Variants in AXDND1 observed in about 807,000 individuals in gnomAD.
The protein encoded by AXDND1 is axonemal dynein light chain domain-containing protein 1.
A neutral mutation model predicts 137.5 loss-of-function variants in AXDND1; 110 were observed. The ratio of observed to expected loss-of-function variants is 0.80; its 90% confidence interval spans 0.69 to 0.94. AXDND1 has a LOEUF of 0.94. Ranked by LOEUF, AXDND1 falls within the 40% of genes least tolerant of loss-of-function variation. The pLI, the probability that AXDND1 is intolerant of heterozygous loss-of-function variation, is 0.00. For synonymous variants in AXDND1, 414 were observed against 399.7 expected (o/e 1.04, Z -0.43); for missense variants, 1,191 against 1,169.8 (o/e 1.02, Z -0.26).
chr1:179,502,561 C>CAAA (rs1269918038), intron 20 of AXDND1, among the ~76,000 whole-genome samples: 12 of 47,006 alleles, frequency 2.6e-4, no homozygotes, highest in African/African-American at 7.5e-4. Flanking sequence ...AAAACTCTGT[C>CAAA]TAAAAAAAAA....
intron 12 of AXDND1, among the ~76,000 whole-genome samples, chr1:179,411,612 G>T (rs1653890773): frequency 1.3e-5 from 2 of 151,518 alleles, no homozygotes; most frequent in Non-Finnish European, 2.9e-5. Context: ...AGGAAAAGTT[G>T]AATTTCTTCT....
At chr1:179,370,241 T>A (rs1302449063) in intron 4 of AXDND1, among the ~76,000 whole-genome samples, 163 bp downstream of exon 4, 1 of 152,212 alleles carries the variant, frequency 6.6e-6, no homozygotes, top group East Asian at 1.9e-4. Context: ...CCAAAGACCA[T>A]CTTTTTGTGT....
rs117950373 is a variant in AXDND1, at chr1:179,426,065, G to A, written c.1231-3453G>A. ...TTGGTCAGGCTGGTCTCAAACTCCC[G>A]ACCTTGTCATCTGCCTGCCTCGACC... On this transcript the variant is annotated intron_variant, in intron 12 of 25. Transcript: ENST00000367618. Among the ~76,000 whole-genome samples the A allele has an allele frequency of 8.6e-3, 1,308 of 152,100 alleles. 41 individuals are homozygous for A. Among genetic ancestry groups the A allele is most frequent in the Admixed American group, 0.056 (849 of 15,268 alleles).
intron 19 of AXDND1, 79 bp from the exon 20 acceptor site, chr1:179,492,773 TAGA>T (rs941307954): frequency 1.1e-6 from 1 of 904,712 alleles, no homozygotes; most frequent in Non-Finnish European, 1.6e-6. Flanking sequence ...TTTAAACACT[TAGA>T]AGAAGAACCA....
intron 11 of AXDND1, among the ~76,000 whole-genome samples, chr1:179,407,352 C>T (rs1009584571): frequency 1.3e-5 from 2 of 151,956 alleles, no homozygotes; most frequent in East Asian, 1.9e-4. Flanking sequence ...CTCAGCCTCC[C>T]GAGTAGCTGA....
chr1:179,383,391 A>G (rs766376394), intron 7 of AXDND1, 51 bp from the exon 8 acceptor site: 11 of 1,357,692 alleles, frequency 8.1e-6, no homozygotes, highest in Middle Eastern at 1.8e-4. Context: ...GCCATTTGAG[A>G]ATTCCCTGTT....
chr1:179,476,607 A>G (rs1664662856), intron 17 of AXDND1, among the ~76,000 whole-genome samples: 1 of 152,096 alleles, frequency 6.6e-6, no homozygotes, highest in Non-Finnish European at 1.5e-5. Context: ...TTTTTGGAAC[A>G]CATGTTTGTT....
chr1:179,484,804 CT>C (rs1665834888), intron 18 of AXDND1, among the ~76,000 whole-genome samples: 2 of 152,226 alleles, frequency 1.3e-5, no homozygotes, highest in African/African-American at 4.8e-5. Context: ...GTGCATCACA[CT>C]CCCCACCCCA....
chr1:179,482,767 C>G (rs1250524710), intron 17 of AXDND1, among the ~76,000 whole-genome samples: 3 of 151,808 alleles, frequency 2.0e-5, no homozygotes, highest in Non-Finnish European at 4.4e-5. Flanking sequence ...GCTCCTCACA[C>G]TATCATGCTG....
intron 22 of AXDND1, among the ~76,000 whole-genome samples, chr1:179,527,878 G>GC (rs920159367): frequency 2.0e-5 from 3 of 152,018 alleles, no homozygotes; most frequent in Non-Finnish European, 4.4e-5. Context: ...ACTTAGTTGA[G>GC]CCCCTGTCCT....
chr1:179,549,538 T>C (rs1010576940), intron 25 of AXDND1, among the ~76,000 whole-genome samples: 5 of 152,156 alleles, frequency 3.3e-5, no homozygotes, highest in African/African-American at 7.2e-5. Context: ...ACCAGTGTTA[T>C]AAGGAAGTAT....
rs377116568 is a variant in AXDND1 at position 179,509,389 on chromosome 1, C to T, written c.2482C>T (p.Arg828Trp). 933 of 1,603,922 alleles carry T rather than the reference C, an allele frequency of 5.8e-4. 16 individuals are homozygous for T. The South Asian group carries it at 7.8e-3, about 13-fold the overall frequency. ...ATTATTGACATATGAAGAAATAGAGCGGCTACTTGAAGAGGTATTTGCCAC... is the reference window on the plus strand; with the variant it reads ...ATTATTGACATATGAAGAAATAGAGTGGCTACTTGAAGAGGTATTTGCCAC... Reference protein sequence around the residue: ...ITLLTYEEIERLLEEEAVKEF... With the variant: ...ITLLTYEEIEWLLEEEAVKEF... Residue 828 changes from arginine (R) to tryptophan (W), a missense_variant, in exon 21 of 26, where the codon CGG (arginine) becomes TGG (tryptophan). Transcript: ENST00000367618.
At chr1:179,439,922 T>C (rs1002809523) in intron 15 of AXDND1, among the ~76,000 whole-genome samples, 2 of 152,240 alleles carry the variant, frequency 1.3e-5, no homozygotes, top group South Asian at 4.1e-4. Flanking sequence ...CCCTTGTCCC[T>C]ACGTCAGTAA....
At chr1:179,466,282 C>CTTTT (rs1491121382) in intron 16 of AXDND1, among the ~76,000 whole-genome samples, 3,271 of 95,250 alleles carry the variant, frequency 0.034, 121 homozygotes, top group Non-Finnish European at 0.05. Flanking sequence ...TCTTCTTCTT[C>CTTTT]TTCTTTTTTT....
chr1:179,467,561 T>G (rs1486221831), intron 16 of AXDND1, among the ~76,000 whole-genome samples: 1 of 152,214 alleles, frequency 6.6e-6, no homozygotes. Context: ...CATCATTTTC[T>G]GTAAGGGACT....
rs145090432 is a variant in AXDND1 at position 179,539,017 on chromosome 1, C to CT, written c.3031+4063dup. Among the ~76,000 whole-genome samples, 71 of 151,870 alleles carry CT rather than the reference C, an allele frequency of 4.7e-4. No homozygotes were observed. The East Asian group carries it at 9.7e-3, about 21-fold the overall frequency. Reference sequence around the variant, plus strand: ...TTATCAGATACTGGGATTTCAACCCCTTTTTTTTGTTTTCCATTTGCTTGG... The same window carrying CT: ...TTATCAGATACTGGGATTTCAACCCCTTTTTTTTTGTTTTCCATTTGCTTGG... On this transcript the variant is annotated intron_variant, in intron 25 of 25. Coordinates refer to ENST00000367618, the MANE Select transcript of AXDND1 (RefSeq NM_144696.6).
At chr1:179,402,950 A>T (rs1488352512) in intron 11 of AXDND1, among the ~76,000 whole-genome samples, 2 of 152,194 alleles carry the variant, frequency 1.3e-5, no homozygotes, top group Admixed American at 6.6e-5. Flanking sequence ...ACAATGGATC[A>T]GTTAATCTTA....
intron 25 of AXDND1, among the ~76,000 whole-genome samples, chr1:179,541,543 T>C (rs1434530818): frequency 2.0e-5 from 3 of 151,936 alleles, no homozygotes; most frequent in Non-Finnish European, 2.9e-5. Flanking sequence ...ATAATAGTTA[T>C]ACAGGTAATA....
chr1:179,480,650 C>T (rs534787024), intron 17 of AXDND1, among the ~76,000 whole-genome samples: 3 of 152,194 alleles, frequency 2.0e-5, no homozygotes, highest in African/African-American at 7.2e-5. Flanking sequence ...TGTAAGGTTT[C>T]TTTTTGTTGT....
Sources: gnomAD v4.1 joint callset for allele counts (sites outside exome capture counted in the v4.1 genomes callset) on GRCh38, gnomAD v4.1.1 for gene constraint, MANE v1.5 for transcripts, NCBI Gene and HGNC (gene_info 2026-07-23, HGNC 2026-07-21) for gene names.